Variants in SHISA9 observed in about 807,000 individuals in gnomAD.
SHISA9 encodes shisa family member 9, also known as protein shisa-9.
In SHISA9, 13 loss-of-function variants were observed where a neutral mutation model predicts 38.0. The ratio of observed to expected loss-of-function variants is 0.34; its 90% CI spans 0.22 to 0.54. The LOEUF (loss-of-function observed/expected upper bound fraction) is 0.54, where lower values mean the gene tolerates loss of function less well. Ranked by LOEUF, SHISA9 falls within the 20% of genes least tolerant of loss-of-function variation. The probability of loss-of-function intolerance (pLI) is 0.91; values close to 1 mark genes in which losing one functional copy is unlikely to be tolerated. For synonymous variants in SHISA9, 275 were observed against 242.0 expected (o/e 1.14, Z -1.27); for missense variants, 538 against 575.8 (o/e 0.93, Z 0.67).
At chr16:13,499,229 T>C in the SHISA9 span, among the ~76,000 whole-genome samples, 1 of 152,206 alleles carries the variant, frequency 6.6e-6, no homozygotes, top group Non-Finnish European at 1.5e-5. Flanking sequence ...CATTGTGCTC[T>C]GAAGTTGGGC....
chr16:13,418,218 AAAG>A, the SHISA9 span, among the ~76,000 whole-genome samples: 11 of 152,166 alleles, frequency 7.2e-5, no homozygotes, highest in African/African-American at 2.7e-4. Flanking sequence ...AGAAAAAAAA[AAAG>A]AGGTGCTCCA....
chr16:13,154,422 T>C (rs938050749), intron 2 of SHISA9, among the ~76,000 whole-genome samples: 5 of 152,212 alleles, frequency 3.3e-5, no homozygotes, highest in Non-Finnish European at 7.3e-5. Context: ...GGATCTCTTC[T>C]GGATGGAAGC....
chr16:12,944,302 A>G (rs1199902886), intron 2 of SHISA9, among the ~76,000 whole-genome samples: 1 of 152,214 alleles, frequency 6.6e-6, no homozygotes, highest in African/African-American at 2.4e-5. Context: ...TCTTATTTCT[A>G]GGCTGTCTTG....
chr16:13,071,271 T>C (rs1271143059), intron 2 of SHISA9, among the ~76,000 whole-genome samples: 6 of 152,174 alleles, frequency 3.9e-5, no homozygotes, highest in Admixed American at 3.3e-4. Context: ...ATTTTATCCC[T>C]CTGGTTTTCC....
the SHISA9 span, among the ~76,000 whole-genome samples, chr16:13,380,908 G>A: frequency 6.6e-6 from 1 of 150,732 alleles, no homozygotes; most frequent in Non-Finnish European, 1.5e-5. Context: ...GCATGAGTGA[G>A]AACATGTAGT....
intron 1 of SHISA9, chr16:12,908,602 T>A (rs763031342): frequency 9.7e-6 from 15 of 1,551,590 alleles, no homozygotes; most frequent in Non-Finnish European, 1.2e-5. Flanking sequence ...CCTTGGCCGC[T>A]AGGCTGCACT....
chr16:13,287,133 A>T, the SHISA9 span, among the ~76,000 whole-genome samples: 1 of 152,186 alleles, frequency 6.6e-6, no homozygotes, highest in Non-Finnish European at 1.5e-5. Flanking sequence ...AAACACTGTA[A>T]CATGGCCCTA....
the SHISA9 span, among the ~76,000 whole-genome samples, chr16:13,382,204 C>T: frequency 1.3e-5 from 2 of 152,150 alleles, no homozygotes; most frequent in Non-Finnish European, 2.9e-5. Flanking sequence ...GATATTTTCT[C>T]ATGTGTAAAC....
the SHISA9 span, among the ~76,000 whole-genome samples, chr16:13,359,325 A>T: frequency 2.0e-5 from 3 of 152,070 alleles, no homozygotes; most frequent in Non-Finnish European, 4.4e-5. Flanking sequence ...TACTAAAAAT[A>T]CTAAAAAAAT....
At chr16:12,972,927 C>G (rs1199663454) in intron 2 of SHISA9, among the ~76,000 whole-genome samples, 1 of 151,984 alleles carries the variant, frequency 6.6e-6, no homozygotes, top group Non-Finnish European at 1.5e-5. Context: ...ACCAGCCTGG[C>G]CAACATGGTG....
chr16:13,229,883 G>A (rs1231988015), intron 4 of SHISA9, among the ~76,000 whole-genome samples: 2 of 152,194 alleles, frequency 1.3e-5, no homozygotes, highest in Non-Finnish European at 2.9e-5. Context: ...TAATGAAGGG[G>A]ATAGACTCTG....
chr16:12,940,569 A>C (rs565365046), intron 2 of SHISA9, among the ~76,000 whole-genome samples: 1 of 152,202 alleles, frequency 6.6e-6, no homozygotes, highest in Non-Finnish European at 1.5e-5. Context: ...CAGAAGCTGC[A>C]TTAGAGAAAA....
chr16:13,138,709 A>G (rs1462843357), intron 2 of SHISA9, among the ~76,000 whole-genome samples: 2 of 152,220 alleles, frequency 1.3e-5, no homozygotes, highest in African/African-American at 4.8e-5. Context: ...AGAGTGTTCC[A>G]CACATATCAT....
At chr16:13,125,855 C>T (rs897163606) in intron 2 of SHISA9, among the ~76,000 whole-genome samples, 10 of 152,194 alleles carry the variant, frequency 6.6e-5, no homozygotes, top group African/African-American at 2.4e-4. Context: ...GATTGATTCA[C>T]ACAAATATTG....
At chr16:12,956,459 A>T (rs910445454) in intron 2 of SHISA9, among the ~76,000 whole-genome samples, 1 of 152,228 alleles carries the variant, frequency 6.6e-6, no homozygotes, top group East Asian at 1.9e-4. Context: ...CATAATAGCA[A>T]TCATGGAACC....
At chr16:13,507,785 CA>C in the SHISA9 span, among the ~76,000 whole-genome samples, 1 of 152,122 alleles carries the variant, frequency 6.6e-6, no homozygotes, top group Admixed American at 6.6e-5. Context: ...CCAGAGCAGC[CA>C]AGCAAGATTG....
the SHISA9 span, among the ~76,000 whole-genome samples, chr16:13,377,954 A>G: frequency 6.6e-6 from 1 of 152,130 alleles, no homozygotes; most frequent in Admixed American, 6.5e-5. Flanking sequence ...AATCGCTTGA[A>G]CCTGGAAGGC....
At chr16:13,197,332 G>T (rs1371472789) in intron 2 of SHISA9, among the ~76,000 whole-genome samples, 1 of 152,114 alleles carries the variant, frequency 6.6e-6, no homozygotes, top group Non-Finnish European at 1.5e-5. Flanking sequence ...AGATGAGCCA[G>T]AATGGTCTAG....
chr16:13,146,724 A>G (rs1300571647), intron 2 of SHISA9, among the ~76,000 whole-genome samples: 1 of 152,174 alleles, frequency 6.6e-6, no homozygotes, highest in Non-Finnish European at 1.5e-5. Flanking sequence ...GCACATCTTA[A>G]CGTTGTCAGA....
Sources: allele counts gnomAD v4.1 joint callset (sites outside exome capture counted in the v4.1 genomes callset), GRCh38; gene constraint gnomAD v4.1.1; transcripts MANE v1.5; gene names NCBI Gene and HGNC (gene_info 2026-07-23, HGNC 2026-07-21).